The following CACNA1C variants were observed in gnomAD, a reference collection of about 807,000 sequenced individuals.
CACNA1C encodes the protein voltage-dependent L-type calcium channel subunit alpha-1C.
CACNA1C carries 30 observed loss-of-function variants against 229.0 expected under a neutral mutation model. That is an observed-to-expected ratio of 0.13 (90% CI 0.10 to 0.18). CACNA1C has a LOEUF of 0.18. Among genes scored for constraint, CACNA1C ranks in the 10% least tolerant of loss-of-function variants. The pLI, the probability that CACNA1C is intolerant of heterozygous loss-of-function variation, is 1.00. For synonymous variants in CACNA1C, 1,114 were observed against 1,132.5 expected, an observed-to-expected ratio of 0.98 and a Z score of 0.33; for missense variants, 1,658 against 2,845.0, an observed-to-expected ratio of 0.58 and a Z score of 9.49.
chr12:2,383,397 A>G (rs985285264), intron 3 of CACNA1C, among the ~76,000 whole-genome samples: 24 of 152,122 alleles, frequency 1.6e-4, no homozygotes, highest in African/African-American at 5.1e-4. Context: ...GATCAGCAAC[A>G]TAGCTGTAGT....
chr12:2,347,773 A>G (rs1439461951), intron 3 of CACNA1C, among the ~76,000 whole-genome samples: 2 of 152,198 alleles, frequency 1.3e-5, no homozygotes, highest in Non-Finnish European at 2.9e-5. Context: ...TGGACACTAA[A>G]CCAGACCTGC....
At chr12:2,356,311 T>C (rs740418) in intron 3 of CACNA1C, among the ~76,000 whole-genome samples, 64,984 of 152,104 alleles carry the variant, frequency 0.43, 15,775 homozygotes, top group African/African-American at 0.66. Flanking sequence ...CTGACCTTCT[T>C]GTCTCAAAAG....
At chr12:2,571,453 T>A (rs2054358485) in intron 13 of CACNA1C, among the ~76,000 whole-genome samples, 1 of 152,202 alleles carries the variant, frequency 6.6e-6, no homozygotes, top group South Asian at 2.1e-4. Context: ...AAAGTCCCTG[T>A]TTTGGGCTTT....
chr12:2,644,938 A>G (rs2094171437), intron 30 of CACNA1C, among the ~76,000 whole-genome samples: 1 of 152,256 alleles, frequency 6.6e-6, no homozygotes, highest in Non-Finnish European at 1.5e-5. Flanking sequence ...TGAGCCTGTT[A>G]TCTGGAACCA....
At chr12:2,528,223 T>C (rs1283665266) in intron 9 of CACNA1C, among the ~76,000 whole-genome samples, 3 of 152,174 alleles carry the variant, frequency 2.0e-5, no homozygotes, top group South Asian at 4.1e-4. Context: ...CAGTCTGCAG[T>C]TGGCCTCTCC....
At chr12:2,478,290 C>G (rs2099641454) in intron 5 of CACNA1C, among the ~76,000 whole-genome samples, 1 of 152,172 alleles carries the variant, frequency 6.6e-6, no homozygotes. Flanking sequence ...AAACTCCAGT[C>G]ACTGCTTGAG....
At chr12:2,302,465 T>G (rs1244181582) in intron 3 of CACNA1C, among the ~76,000 whole-genome samples, 1 of 151,988 alleles carries the variant, frequency 6.6e-6, no homozygotes, top group Admixed American at 6.5e-5. Context: ...CTGCCCATCT[T>G]CTTCCAAAGG....
intron 3 of CACNA1C, among the ~76,000 whole-genome samples, chr12:2,216,291 AC>A (rs1342466357): frequency 6.6e-6 from 1 of 152,148 alleles, no homozygotes; most frequent in African/African-American, 2.4e-5. Context: ...CCTTGAAAGG[AC>A]TAGATTATAA....
intron 1 of CACNA1C, among the ~76,000 whole-genome samples, chr12:2,014,562 C>T (rs1167100022): frequency 6.6e-6 from 1 of 152,170 alleles, no homozygotes; most frequent in Non-Finnish European, 1.5e-5. Flanking sequence ...AAAATGGACA[C>T]ATAAGCAGGT....
intron 3 of CACNA1C, among the ~76,000 whole-genome samples, chr12:2,124,785 C>T (rs1417624153): frequency 6.6e-6 from 1 of 151,980 alleles, no homozygotes; most frequent in Non-Finnish European, 1.5e-5. Context: ...TGCCCTTGGC[C>T]AGGAGAAAGA....
At chr12:2,266,627 A>G (rs7485359) in intron 3 of CACNA1C, among the ~76,000 whole-genome samples, 7,389 of 152,322 alleles carry the variant, frequency 0.049, 222 homozygotes, top group Middle Eastern at 0.068. Context: ...CTGGTTTGGT[A>G]AGTGAGTGAC....
chr12:2,380,944 G>A (rs1567350139), intron 3 of CACNA1C, among the ~76,000 whole-genome samples: 2 of 152,174 alleles, frequency 1.3e-5, no homozygotes, highest in Non-Finnish European at 2.9e-5. Context: ...CAGCTGGCCC[G>A]TGTGCTTTTT....
In CACNA1C at chr12:2,595,282, C is replaced by T. The variant is rs568096395; in HGVS notation, c.2664-592C>T. ...ACCTGTGAAATGAAGATGATGACAC[C>T]CATCCCTTCCTTCCTACATTGCTGT... On this transcript the variant is annotated intron_variant, in intron 19 of 46. Coordinates refer to ENST00000399655, the MANE Select transcript of CACNA1C (RefSeq NM_000719.7). This position sits in a 1 kb window ranked among gnomAD's most constrained non-coding sequence, Gnocchi z 4.1. 6.6e-6 allele frequency among the ~76,000 whole-genome samples: 1 copy of T among 152,218 alleles called. No homozygotes were observed. The highest frequency in any genetic ancestry group is 2.4e-5 in the African/African-American group (1 of 41,528).
intron 3 of CACNA1C, among the ~76,000 whole-genome samples, chr12:2,213,756 G>A (rs528260964): frequency 1.1e-4 from 17 of 152,242 alleles, no homozygotes; most frequent in African/African-American, 4.1e-4. Context: ...CACGGAGGCA[G>A]CGTTGACAAG....
intron 1 of CACNA1C, among the ~76,000 whole-genome samples, chr12:2,077,576 G>A (rs1430874551): frequency 6.6e-6 from 1 of 152,154 alleles, no homozygotes; most frequent in Non-Finnish European, 1.5e-5. Flanking sequence ...ATATGAGTGT[G>A]AACAAAGGAG....
At chr12:2,579,445 C>T (rs116792455) in intron 13 of CACNA1C, among the ~76,000 whole-genome samples, 2 of 151,978 alleles carry the variant, frequency 1.3e-5, no homozygotes, top group Non-Finnish European at 2.9e-5. Context: ...GACTGGTCGC[C>T]TGAGGATTAC....
chr12:2,627,551 C>A (rs1053643639), intron 29 of CACNA1C, among the ~76,000 whole-genome samples: 1 of 152,230 alleles, frequency 6.6e-6, no homozygotes, highest in East Asian at 1.9e-4. Flanking sequence ...CTCCCTCCCC[C>A]ACAGCCACCT....
chr12:2,161,121 G>A (rs998186896), intron 3 of CACNA1C, among the ~76,000 whole-genome samples: 4 of 152,246 alleles, frequency 2.6e-5, no homozygotes, highest in Non-Finnish European at 5.9e-5. Context: ...CACCCGGCTA[G>A]CTCTGGTTAT....
Position 2,679,368 on chromosome 12 carries a change from C to G in CACNA1C, c.5092-76C>G. On this transcript the variant is annotated intron_variant, in intron 41 of 46. Transcript: ENST00000399655. This position sits in a 1 kb window ranked among gnomAD's most constrained non-coding sequence, Gnocchi z 5.5. ...TTCCCAGGCCCTGCACTTCCCTGAC[C>G]TGGCTGTGGAGGCTGCTCTCTGGGA... The G allele has an allele frequency of 8.8e-7, 1 of 1,131,140 alleles. No individual in the cohort carries two copies. 70.1% of individuals were successfully genotyped at this position (1,131,140 alleles called of 1,614,324 possible).
Sources: gnomAD v4.1 joint callset for allele counts (sites outside exome capture counted in the v4.1 genomes callset) on GRCh38, gnomAD v4.1.1 for gene constraint, Gnocchi (gnomAD v3.1) non-coding constraint, MANE v1.5 for transcripts, NCBI Gene and HGNC (gene_info 2026-07-23, HGNC 2026-07-21) for gene names.